The following ATP2C1 variants were observed in gnomAD, a reference collection of about 807,000 sequenced individuals.
ATP2C1 encodes the protein ATPase secretory pathway Ca2+ transporting 1, also known as calcium-transporting ATPase type 2C member 1.
In ATP2C1, 31 loss-of-function variants were observed where a neutral mutation model predicts 120.5. That is an observed-to-expected ratio of 0.26 (90% CI 0.19 to 0.35). The LOEUF is 0.35. ATP2C1 is among the 10% of genes least tolerant of loss of function. The probability of loss-of-function intolerance (pLI) is 1.00; values close to 1 mark genes in which losing one functional copy is unlikely to be tolerated. For missense variants in ATP2C1, 731 were observed against 1,107.5 expected (o/e 0.66, Z 4.83); for synonymous variants, 351 against 358.7 (o/e 0.98, Z 0.24).
At chr3:130,966,753 C>A (rs975459202) in intron 14 of ATP2C1, among the ~76,000 whole-genome samples, 1 of 152,136 alleles carries the variant, frequency 6.6e-6, no homozygotes, top group African/African-American at 2.4e-5. Context: ...AAAAAGAATA[C>A]TGCTTTTGTC....
At chr3:131,015,158 G>A (rs964923250) in intron 26 of ATP2C1, 1 of 698,910 alleles carries the variant, frequency 1.4e-6, no homozygotes, top group African/African-American at 1.8e-5. Flanking sequence ...TAACAACACT[G>A]TTTACTGCCA....
At position 130,994,051 on chromosome 3, in the gene ATP2C1, A is replaced by G; in HGVS notation, c.2010A>G (p.Lys670=). The stretch of plus-strand genomic sequence containing the variant: ...GCCAGACTGGTACAGATGTTTGCAA[A>G]GAGGCAGCAGACATGATCCTAGTGG... The part of the protein sequence containing the change: ...AMGQTGTDVC[K]EAADMILVDD... The change falls in exon 22 of 28, where the codon AAA becomes AAG. Residue 670 remains lysine, a synonymous_variant. Transcript: ENST00000510168. 1 of 1,614,168 alleles carries G rather than the reference A, an allele frequency of 6.2e-7. No individual in the cohort carries two copies. The highest frequency in any genetic ancestry group is 8.5e-7 in the Non-Finnish European group (1 of 1,180,024).
chr3:130,909,311 C>T (rs895969654), intron 2 of ATP2C1, among the ~76,000 whole-genome samples: 2 of 152,184 alleles, frequency 1.3e-5, no homozygotes, highest in African/African-American at 2.4e-5. Context: ...TAGAAACTTC[C>T]TGGTGATTGG....
chr3:130,919,240 TA>T, intron 2 of ATP2C1: 1 of 173,252 alleles, frequency 5.8e-6, no homozygotes, highest in Non-Finnish European at 1.2e-5. Context: ...CTTTTTTTTT[TA>T]TTGAGAGAGT....
chr3:130,979,685 A>T (rs2061671910), intron 19 of ATP2C1, among the ~76,000 whole-genome samples: 1 of 3,670 alleles, frequency 2.7e-4, no homozygotes. Context: ...CTCATGATCA[A>T]CTGTGATGAC....
At chr3:130,988,504 C>T (rs1398210580) in intron 20 of ATP2C1, among the ~76,000 whole-genome samples, 1 of 152,148 alleles carries the variant, frequency 6.6e-6, no homozygotes, top group East Asian at 1.9e-4. Context: ...AAGCCAGCTG[C>T]ACCTTTTACC....
intron 1 of ATP2C1, chr3:130,868,227 G>A (rs1469050835): frequency 2.1e-5 from 3 of 143,560 alleles, no homozygotes; most frequent in Admixed American, 7.0e-5. Flanking sequence ...CCGGCCAGCC[G>A]CCCCATCCGG....
intron 2 of ATP2C1, among the ~76,000 whole-genome samples, chr3:130,895,491 C>T (rs1032172435): frequency 2.0e-5 from 3 of 152,164 alleles, no homozygotes; most frequent in South Asian, 2.1e-4. Flanking sequence ...TGTTGAACAA[C>T]TGTGAATAAG....
intron 2 of ATP2C1, chr3:130,918,461 G>T: frequency 1.2e-6 from 1 of 828,724 alleles, no homozygotes; most frequent in Non-Finnish European, 2.1e-6. Flanking sequence ...CAGCACCTCT[G>T]TATTTCTGAG....
At chr3:130,906,675 G>GT (rs35292140) in intron 2 of ATP2C1, among the ~76,000 whole-genome samples, 39,030 of 133,440 alleles carry the variant, frequency 0.29, 5,519 homozygotes, top group South Asian at 0.34. Flanking sequence ...ACATTTTGCT[G>GT]TTTTTTTTTT....
rs548407837 is a variant in ATP2C1 at position 131,011,071 on chromosome 3, C to G, written c.2630-5081C>G. On this transcript the variant is annotated intron_variant, in intron 26 of 26. Coordinates refer to the ATP2C1 transcript ENST00000328560. ...CTGAGGCATAGTCATTGATTTATTTCCTTTTGTGCACAAAGGAGAAAAAGA... is the reference window on the plus strand; with the variant it reads ...CTGAGGCATAGTCATTGATTTATTTGCTTTTGTGCACAAAGGAGAAAAAGA... Among the ~76,000 whole-genome samples, 14 of 152,218 alleles carry G rather than the reference C, an allele frequency of 9.2e-5. No individual in the cohort carries two copies. The South Asian group carries it at 2.9e-3, about 32-fold the overall frequency.
intron 12 of ATP2C1, 116 bp downstream of exon 12, chr3:130,959,457 A>G (rs2060723676): frequency 6.0e-6 from 4 of 668,664 alleles, no homozygotes; most frequent in Non-Finnish European, 1.1e-5. Flanking sequence ...AGAGTATAAC[A>G]TCGCTACATA....
At chr3:130,888,849 C>A (rs1200213307) in intron 1 of ATP2C1, among the ~76,000 whole-genome samples, 2 of 152,116 alleles carry the variant, frequency 1.3e-5, no homozygotes, top group African/African-American at 4.8e-5. Context: ...GTTAAACTTT[C>A]CAGTATGCAG....
At chr3:130,931,700 G>A (rs1354286570) in intron 3 of ATP2C1, among the ~76,000 whole-genome samples, 1 of 151,768 alleles carries the variant, frequency 6.6e-6, no homozygotes, top group Non-Finnish European at 1.5e-5. Flanking sequence ...AATCAATTTT[G>A]TTGAGATATA....
At chr3:130,902,555 G>A (rs556338047) in intron 2 of ATP2C1, among the ~76,000 whole-genome samples, 1 of 149,318 alleles carries the variant, frequency 6.7e-6, no homozygotes, top group East Asian at 1.9e-4. Context: ...TACATTTTAT[G>A]TATTATTTAT....
In ATP2C1 at chr3:130,975,394, A is replaced by C. The variant is rs767024939; in HGVS notation, c.1476A>C (p.Thr492=). 7.4e-6 allele frequency: 12 copies of C among 1,613,818 alleles called. No individual in the cohort carries two copies. In the African/African-American group the frequency reaches 1.5e-4, roughly 20 times the overall value. ...AYEQVIKYCT[T]YQSKGQTLTL... Reference sequence around the variant, plus strand: ...AACAAGTAATTAAGTACTGTACTACATACCAGAGCAAAGGGCAGACCTTGA... The same window carrying C: ...AACAAGTAATTAAGTACTGTACTACCTACCAGAGCAAAGGGCAGACCTTGA... Residue 492 remains threonine, a synonymous_variant, in exon 18 of 28, where the codon ACA becomes ACC. Coordinates refer to ENST00000510168, the MANE Select transcript of ATP2C1 (RefSeq NM_001378687.1).
chr3:130,938,917 A>G (rs1188861180), intron 6 of ATP2C1, among the ~76,000 whole-genome samples: 1 of 152,270 alleles, frequency 6.6e-6, no homozygotes, highest in East Asian at 1.9e-4. Context: ...TGTGATTTTA[A>G]CATAAGTCAA....
intron 26 of ATP2C1, among the ~76,000 whole-genome samples, chr3:131,012,027 T>C (rs2063333160): frequency 1.3e-5 from 2 of 152,200 alleles, no homozygotes; most frequent in Admixed American, 1.3e-4. Context: ...GGAATGGTCC[T>C]GAGTGCCATG....
At chr3:130,961,250 GTTT>G (rs11293218) in intron 12 of ATP2C1, among the ~76,000 whole-genome samples, 11 of 146,396 alleles carry the variant, frequency 7.5e-5, no homozygotes, top group South Asian at 2.1e-4. Context: ...GAGGATTTGG[GTTT>G]TTTTTTTTTT....
Sources: allele counts gnomAD v4.1 joint callset (sites outside exome capture counted in the v4.1 genomes callset), GRCh38; gene constraint gnomAD v4.1.1; transcripts MANE v1.5; gene names NCBI Gene and HGNC (gene_info 2026-07-23, HGNC 2026-07-21).